Variants in SYNCRIP observed in about 807,000 individuals in gnomAD.
SYNCRIP encodes heterogeneous nuclear ribonucleoprotein Q.
Under a neutral mutation model 68.9 loss-of-function variants are expected in SYNCRIP, and 9 were observed. The observed-to-expected ratio is 0.13, with a 90% CI of 0.08 to 0.23. The LOEUF (loss-of-function observed/expected upper bound fraction) is 0.23, where lower values mean the gene tolerates loss of function less well. SYNCRIP is among the 10% of genes least tolerant of loss of function. SYNCRIP has a pLI of 1.00. For missense variants in SYNCRIP, 414 were observed against 770.6 expected (o/e 0.54, Z 5.48); for synonymous variants, 258 against 254.0 (o/e 1.02, Z -0.15).
downstream of SYNCRIP, chr6:85,612,395 A>G (rs1014507867): frequency 6.6e-6 from 1 of 152,372 alleles, no homozygotes; most frequent in African/African-American, 2.4e-5. Context: ...TCACTATAAA[A>G]AAGATATAGA....
In SYNCRIP at chr6:85,614,718, A is replaced by G; in HGVS notation, c.*38T>C. 3.3e-6 allele frequency: 5 copies of G among 1,538,140 alleles called. No homozygotes were observed. The highest frequency in any genetic ancestry group is 4.4e-6 in the Non-Finnish European group (5 of 1,146,196). ...CAGATTTAGGGTGAGTTTCTGATCA[A>G]CCTATCAGTCTCCAATTTTACAGAG... is the stretch of plus-strand genomic sequence containing the variant. On this transcript the variant is annotated 3_prime_UTR_variant, in exon 11 of 11. Coordinates refer to ENST00000369622, the MANE Select transcript of SYNCRIP (RefSeq NM_006372.5).
At position 85,615,304 on chromosome 6, in the gene SYNCRIP, G is replaced by C. The variant is rs1805647463; in HGVS notation, c.1324C>G (p.Pro442Ala). ...CCTCCACGCCCTCGACCTCTTGTTG[G>C]AGGGGGCATATGAGGTGGACCATAA... ...YYYGPPHMPP[P>A]TRGRGRGGRG... is the part of the protein sequence containing the mutation. The change falls in exon 11 of 11, where the codon CCA (proline) becomes GCA (alanine). Residue 442 changes from proline to alanine, a missense_variant. This residue lies in a region of SYNCRIP where 72 missense variants were observed against 119.8 expected (regional missense o/e 0.60). Coordinates refer to ENST00000369622, the MANE Select transcript of SYNCRIP (RefSeq NM_006372.5). The C allele has an allele frequency of 6.4e-7, 1 of 1,570,748 alleles. No individual in the cohort carries two copies. Among genetic ancestry groups the C allele is most frequent in the Admixed American group, 1.8e-5 (1 of 57,018 alleles).
chr6:85,620,043 T>G (rs1468896138), intron 8 of SYNCRIP, among the ~76,000 whole-genome samples: 1 of 152,066 alleles, frequency 6.6e-6, no homozygotes, highest in East Asian at 1.9e-4. Context: ...GGTCAGGAGC[T>G]CGAGACCAGC....
intron 6 of SYNCRIP, among the ~76,000 whole-genome samples, chr6:85,631,815 G>T (rs1210068566): frequency 6.6e-6 from 1 of 152,204 alleles, no homozygotes; most frequent in Non-Finnish European, 1.5e-5. Context: ...ATGTTTAGCT[G>T]TATGGCCTCA....
intron 6 of SYNCRIP, among the ~76,000 whole-genome samples, chr6:85,628,552 A>AGTGT (rs765646113): frequency 5.3e-5 from 8 of 152,210 alleles, no homozygotes; most frequent in Non-Finnish European, 7.3e-5. Flanking sequence ...AATACTGACA[A>AGTGT]GTGTCACTGA....
intron 10 of SYNCRIP, 128 bp from the exon 11 acceptor site, chr6:85,615,475 T>G (rs1805666504): frequency 1.7e-6 from 1 of 573,662 alleles, no homozygotes; most frequent in African/African-American, 1.9e-5. Flanking sequence ...TAATACAGAA[T>G]TATTTGTACT....
chr6:85,629,101 G>A (rs982465799), intron 6 of SYNCRIP, among the ~76,000 whole-genome samples: 5 of 152,152 alleles, frequency 3.3e-5, no homozygotes, highest in African/African-American at 1.2e-4. Context: ...GGGGTGCTAT[G>A]CAGCTTAGCC....
At chr6:85,618,076 G>C (rs1431759066) in intron 10 of SYNCRIP, among the ~76,000 whole-genome samples, 1 of 152,008 alleles carries the variant, frequency 6.6e-6, no homozygotes, top group Non-Finnish European at 1.5e-5. Flanking sequence ...TGAAATTTTT[G>C]GGGTGGCAAT....
chr6:85,633,971 A>G (rs1332670286), intron 6 of SYNCRIP, among the ~76,000 whole-genome samples: 1 of 152,234 alleles, frequency 6.6e-6, no homozygotes, highest in Non-Finnish European at 1.5e-5. Flanking sequence ...TATTAATTAG[A>G]TAGTACAAAA....
Position 85,641,416 on chromosome 6 carries a change from T to C in SYNCRIP, c.24A>G (p.Gly8=). ...TATCCATGGGCTCTTCAGTACCATT[T>C]CCATTAACATGTTCTGTAGCCATGT... MATEHVN[G]NGTEEPMDTT... is the part of the protein sequence containing the mutation. The change falls in exon 2 of 11, where the codon GGA becomes GGG. Residue 8 remains glycine, a synonymous_variant. Transcript: ENST00000369622. 1 of 1,613,702 alleles carries C rather than the reference T, an allele frequency of 6.2e-7. No homozygotes were observed. The highest frequency in any genetic ancestry group is 1.1e-5 in the South Asian group (1 of 91,040).
chr6:85,623,562 CAAAAAAAA>C (rs67258131), intron 7 of SYNCRIP, among the ~76,000 whole-genome samples: 4 of 63,240 alleles, frequency 6.3e-5, no homozygotes, highest in African/African-American at 2.0e-4. Flanking sequence ...AGACTGTCTC[CAAAAAAAA>C]AAAAAAAAAA....
chr6:85,634,157 G>C (rs545672175), intron 6 of SYNCRIP, among the ~76,000 whole-genome samples: 1 of 152,068 alleles, frequency 6.6e-6, no homozygotes, highest in Non-Finnish European at 1.5e-5. Flanking sequence ...GCAACCTACA[G>C]CAATGCAATT....
intron 1 of SYNCRIP, among the ~76,000 whole-genome samples, chr6:85,641,865 G>C (rs530913971): frequency 6.6e-6 from 1 of 152,214 alleles, no homozygotes; most frequent in South Asian, 2.1e-4. Context: ...TTATAGATCG[G>C]TAACAACAGC....
At chr6:85,641,787 G>A (rs542134545) in intron 1 of SYNCRIP, among the ~76,000 whole-genome samples, 2 of 152,290 alleles carry the variant, frequency 1.3e-5, no homozygotes, top group South Asian at 4.1e-4. Context: ...TGTGTGTGGA[G>A]AAAGCAAAAC....
chr6:85,614,527 T>G lies in SYNCRIP; in HGVS notation c.*229A>C. The G allele has an allele frequency of 2.4e-6, 3 of 1,241,690 alleles. No individual in the cohort carries two copies. Among genetic ancestry groups the G allele is most frequent in the Non-Finnish European group, 3.0e-6 (3 of 992,976 alleles). The allele number at this position is 1,241,690 out of a possible 1,614,324, so 76.9% of individuals were successfully genotyped here. On this transcript the variant is annotated 3_prime_UTR_variant, in exon 11 of 11. Coordinates refer to ENST00000369622, the MANE Select transcript of SYNCRIP (RefSeq NM_006372.5). ...CAAGCACAAATGCAAACTCATTAAC[T>G]ATTTCTTTCAGTATCTAAGAATATC...
At chr6:85,623,044 A>G (rs73483583) in intron 7 of SYNCRIP, among the ~76,000 whole-genome samples, 2,429 of 152,272 alleles carry the variant, frequency 0.016, 73 homozygotes, top group African/African-American at 0.055. Flanking sequence ...GCAAACACTA[A>G]AATTATTTTT....
chr6:85,612,189 T>C (rs1466711010), downstream of SYNCRIP: 3 of 152,172 alleles, frequency 2.0e-5, no homozygotes, highest in Non-Finnish European at 4.4e-5. Context: ...TCATATCATA[T>C]TTAACAAGCC....
Position 85,614,677 on chromosome 6 carries a change from T to A in SYNCRIP, c.*79A>T. 6.8e-7 allele frequency: 1 copy of A among 1,466,598 alleles called. No homozygotes were observed. The highest frequency in any genetic ancestry group is 2.7e-5 in the Admixed American group (1 of 37,138). The allele number at this position is 1,466,598 out of a possible 1,614,324, so 90.8% of individuals were successfully genotyped here. ...GGAAATCTTGCCAGATGTCACAAAT[T>A]ATAGCGGCACCCGTTCAGATTTAGG... On this transcript the variant is annotated 3_prime_UTR_variant, in exon 11 of 11. Coordinates refer to ENST00000369622, the MANE Select transcript of SYNCRIP (RefSeq NM_006372.5).
chr6:85,632,759 T>G (rs1014079008), intron 6 of SYNCRIP, among the ~76,000 whole-genome samples: 2 of 151,176 alleles, frequency 1.3e-5, no homozygotes, highest in Non-Finnish European at 2.9e-5. Flanking sequence ...CTGGACAACA[T>G]AGTGAGACAC....
Sources: allele counts gnomAD v4.1 joint callset (sites outside exome capture counted in the v4.1 genomes callset), GRCh38; gene constraint gnomAD v4.1.1; regional missense constraint gnomAD v4.1.1; transcripts MANE v1.5; gene names NCBI Gene and HGNC (gene_info 2026-07-23, HGNC 2026-07-21).